CADM1: variants seen among roughly 807,000 people sequenced by gnomAD.
CADM1 encodes TSLC-1.
Under a neutral mutation model 53.1 loss-of-function variants are expected in CADM1, and 15 were observed. The ratio of observed to expected loss-of-function variants is 0.28; its 90% CI spans 0.19 to 0.44. The LOEUF (loss-of-function observed/expected upper bound fraction) is 0.44. Ranked by LOEUF, CADM1 falls within the 20% of genes least tolerant of loss-of-function variation. CADM1 has a pLI of 1.00. For synonymous variants in CADM1, 281 were observed against 243.0 expected (o/e 1.16, Z -1.45); for missense variants, 434 against 611.3 (o/e 0.71, Z 3.06).
intron 1 of CADM1, among the ~76,000 whole-genome samples, chr11:115,492,016 A>G (rs1177007434): frequency 2.6e-5 from 4 of 152,238 alleles, no homozygotes; most frequent in Admixed American, 1.3e-4. Context: ...TAATGGATGC[A>G]GCAAACCAAT....
At chr11:115,299,868 T>C (rs1377174265) in intron 1 of CADM1, among the ~76,000 whole-genome samples, 2 of 152,146 alleles carry the variant, frequency 1.3e-5, no homozygotes, top group Non-Finnish European at 2.9e-5. Context: ...TGCCTTGAAT[T>C]TGCAATGTTT....
At chr11:115,341,242 C>A (rs776458914) in intron 1 of CADM1, among the ~76,000 whole-genome samples, 2 of 152,126 alleles carry the variant, frequency 1.3e-5, no homozygotes, top group African/African-American at 2.4e-5. Context: ...GAGTATATTT[C>A]TGTTGCCGGC....
chr11:115,450,937 G>A (rs1419421351), intron 1 of CADM1, among the ~76,000 whole-genome samples: 2 of 152,102 alleles, frequency 1.3e-5, no homozygotes, highest in African/African-American at 2.4e-5. Flanking sequence ...ATCAGCTTTG[G>A]TGTACCTCCT....
chr11:115,492,839 A>G (rs1949527670), intron 1 of CADM1, among the ~76,000 whole-genome samples: 1 of 152,132 alleles, frequency 6.6e-6, no homozygotes, highest in Admixed American at 6.5e-5. Context: ...TTTTTAAAAT[A>G]CACTCACACA....
At chr11:115,268,302 A>C (rs1360239533) in intron 1 of CADM1, among the ~76,000 whole-genome samples, 1 of 152,194 alleles carries the variant, frequency 6.6e-6, no homozygotes, top group African/African-American at 2.4e-5. Context: ...CCACTGTACT[A>C]AAGTATTTGC....
chr11:115,374,844 G>A (rs1041770768), intron 1 of CADM1, among the ~76,000 whole-genome samples: 1 of 150,726 alleles, frequency 6.6e-6, no homozygotes, highest in Non-Finnish European at 1.5e-5. Flanking sequence ...GAAGCTATAG[G>A]CTAAGAAAAA....
intron 1 of CADM1, among the ~76,000 whole-genome samples, chr11:115,360,175 T>A (rs1945989816): frequency 6.6e-6 from 1 of 152,212 alleles, no homozygotes; most frequent in Non-Finnish European, 1.5e-5. Flanking sequence ...TGATACTGTA[T>A]TTGTTATTGA....
chr11:115,178,500 T>TC (rs1437304583), intron 11 of CADM1, 144 bp downstream of exon 11: 27 of 785,464 alleles, frequency 3.4e-5, no homozygotes, highest in African/African-American at 6.9e-5. Context: ...TTTTTTTTTT[T>TC]CTCTTCTCTC....
intron 1 of CADM1, among the ~76,000 whole-genome samples, chr11:115,379,339 C>T (rs1369155048): frequency 6.6e-6 from 1 of 152,060 alleles, no homozygotes; most frequent in Non-Finnish European, 1.5e-5. Context: ...TTAAAATATC[C>T]ACAATACTGA....
chr11:115,434,463 A>G (rs547669978), intron 1 of CADM1, among the ~76,000 whole-genome samples: 5 of 152,350 alleles, frequency 3.3e-5, no homozygotes, highest in South Asian at 2.1e-4. Context: ...CACACCTCAC[A>G]GCGTCAGACA....
At chr11:115,237,264 G>T (rs947802) in intron 3 of CADM1, among the ~76,000 whole-genome samples, 81,250 of 151,970 alleles carry the variant, frequency 0.53, 22,714 homozygotes, top group Non-Finnish European at 0.62. Flanking sequence ...CTAATCTGGA[G>T]TAAAACCACA....
rs147875134 is a variant in CADM1, at chr11:115,342,212, T to C, written c.125-101792A>G. 4.0e-3 allele frequency among the ~76,000 whole-genome samples: 607 copies of C among 152,268 alleles called. 3 individuals carry two copies. Among genetic ancestry groups the C allele is most frequent in the Non-Finnish European group, 5.7e-3 (385 of 68,006 alleles). On this transcript the variant is annotated intron_variant, in intron 1 of 11. Transcript: ENST00000331581. ...ATACTTGTAAAGCCTTGCCATCAGATCATACCAACAGATTAACTTTTCTTC... is the reference window on the plus strand; with the variant it reads ...ATACTTGTAAAGCCTTGCCATCAGACCATACCAACAGATTAACTTTTCTTC...
chr11:115,285,803 C>A (rs1397996554), intron 1 of CADM1, among the ~76,000 whole-genome samples: 3 of 152,158 alleles, frequency 2.0e-5, no homozygotes, highest in African/African-American at 4.8e-5. Flanking sequence ...CTGTAGCTCT[C>A]TCATCATGTG....
chr11:115,436,697 C>G (rs1948191560), intron 1 of CADM1, among the ~76,000 whole-genome samples: 1 of 152,164 alleles, frequency 6.6e-6, no homozygotes, highest in Non-Finnish European at 1.5e-5. Context: ...CAAATTCATC[C>G]TCTGTTGTAC....
At chr11:115,196,306 T>C (rs1432740762) in intron 9 of CADM1, among the ~76,000 whole-genome samples, 1 of 152,146 alleles carries the variant, frequency 6.6e-6, no homozygotes, top group African/African-American at 2.4e-5. Context: ...TTCTTATTTT[T>C]CAGATTAGGG....
intron 1 of CADM1, among the ~76,000 whole-genome samples, chr11:115,492,374 T>C (rs1949515906): frequency 6.6e-6 from 1 of 152,068 alleles, no homozygotes; most frequent in Non-Finnish European, 1.5e-5. Context: ...GGGAACGAAA[T>C]GAGAATGGAC....
chr11:115,426,301 G>C (rs771131356), intron 1 of CADM1, among the ~76,000 whole-genome samples: 35 of 152,148 alleles, frequency 2.3e-4, no homozygotes, highest in Non-Finnish European at 3.8e-4. Context: ...ATTACAATTA[G>C]TAGTAGTAAC....
At chr11:115,296,857 G>A (rs947459395) in intron 1 of CADM1, among the ~76,000 whole-genome samples, 7 of 152,114 alleles carry the variant, frequency 4.6e-5, no homozygotes, top group Admixed American at 4.6e-4. Flanking sequence ...AGTGTGGACA[G>A]TATCTCACTC....
At chr11:115,335,982 C>T (rs555973634) in intron 1 of CADM1, among the ~76,000 whole-genome samples, 1 of 152,108 alleles carries the variant, frequency 6.6e-6, no homozygotes, top group Non-Finnish European at 1.5e-5. Flanking sequence ...GCCAAATACG[C>T]GTCTGAATAA....
Sources: allele counts gnomAD v4.1 joint callset (sites outside exome capture counted in the v4.1 genomes callset), GRCh38; gene constraint gnomAD v4.1.1; transcripts MANE v1.5; gene names NCBI Gene and HGNC (gene_info 2026-07-23, HGNC 2026-07-21).